Variants in SAMD4A observed in about 807,000 individuals in gnomAD.
SAMD4A encodes protein Smaug homolog 1.
A neutral mutation model predicts 81.3 loss-of-function variants in SAMD4A; 33 were observed. The ratio of observed to expected loss-of-function variants is 0.41; its 90% CI spans 0.31 to 0.54. The LOEUF (loss-of-function observed/expected upper bound fraction) is 0.54, where lower values mean the gene tolerates loss of function less well. Ranked by LOEUF, SAMD4A falls within the 20% of genes least tolerant of loss-of-function variation. SAMD4A has a pLI of 0.37. For missense variants in SAMD4A, 854 were observed against 951.1 expected (o/e 0.90, Z 1.34); for synonymous variants, 389 against 382.1 (o/e 1.02, Z -0.21).
intron 4 of SAMD4A, among the ~76,000 whole-genome samples, chr14:54,746,241 C>A (rs757016301): frequency 6.6e-6 from 1 of 152,170 alleles, no homozygotes; most frequent in East Asian, 1.9e-4. Context: ...CTTTGTTTTT[C>A]CGTTCTCCTT....
Position 54,737,241 on chromosome 14 carries a change from G to C in SAMD4A, c.933G>C (p.Gln311His). Residue 311 changes from glutamine (Q) to histidine (H), a missense_variant, in exon 4 of 13, where the codon CAG (glutamine) becomes CAC (histidine). Transcript: ENST00000554335. ...GTGGGAGTGAACACTTAGAAGATCA[G>C]ACCACTGCTCGTAACACATTCCAAG... ...GSGGSEHLED[Q>H]TTARNTFQEE... 6.2e-7 allele frequency: 1 copy of C among 1,614,126 alleles called. No homozygotes were observed. Among genetic ancestry groups the C allele is most frequent in the South Asian group, 1.1e-5 (1 of 91,054 alleles).
rs1290953992 is a variant in SAMD4A, at chr14:54,735,271, C to T, written c.716-1753C>T. ...TTTCCTCTTGCTAATTCTGGTCCAACCAGGTAGCAATGCATTTTCCAGGGA... is the reference window on the plus strand; with the variant it reads ...TTTCCTCTTGCTAATTCTGGTCCAATCAGGTAGCAATGCATTTTCCAGGGA... On this transcript the variant is annotated intron_variant, in intron 3 of 12. Transcript: ENST00000554335. The T allele has an allele frequency of 2.6e-5, 4 of 151,454 alleles. No homozygotes were observed. In the South Asian group the frequency reaches 8.5e-4, roughly 32 times the overall value. 9.4% of individuals were successfully genotyped at this position (151,454 alleles called of 1,614,324 possible).
At chr14:54,684,908 C>A (rs1459616893) in intron 2 of SAMD4A, among the ~76,000 whole-genome samples, 2 of 152,178 alleles carry the variant, frequency 1.3e-5, no homozygotes, top group Non-Finnish European at 2.9e-5. Context: ...GCGCAGTCCA[C>A]CATTCAGTTC....
At chr14:54,682,116 A>G (rs377467170) in intron 2 of SAMD4A, 186 of 943,690 alleles carry the variant, frequency 2.0e-4, no homozygotes, top group East Asian at 4.6e-4. Context: ...TTATCCCACA[A>G]TGTTTGGGGT....
At chr14:54,588,318 T>G (rs1324145744) in intron 2 of SAMD4A, among the ~76,000 whole-genome samples, 1 of 152,146 alleles carries the variant, frequency 6.6e-6, no homozygotes, top group African/African-American at 2.4e-5. Flanking sequence ...ATTTATCTTT[T>G]CAAAGAACCA....
intron 9 of SAMD4A, 117 bp downstream of exon 9, chr14:54,770,339 C>A: frequency 2.8e-6 from 2 of 719,398 alleles, no homozygotes; most frequent in Non-Finnish European, 4.8e-6. Context: ...CGAAGATGCC[C>A]TGTGGCGAGT....
intron 2 of SAMD4A, among the ~76,000 whole-genome samples, chr14:54,671,002 C>T (rs1044871183): frequency 3.9e-5 from 6 of 152,178 alleles, no homozygotes; most frequent in Non-Finnish European, 7.4e-5. Flanking sequence ...AGGCACCCAC[C>T]GAGGATGTGC....
intron 2 of SAMD4A, among the ~76,000 whole-genome samples, chr14:54,613,965 A>G (rs957032629): frequency 5.9e-5 from 9 of 152,342 alleles, no homozygotes; most frequent in Admixed American, 3.3e-4. Flanking sequence ...TTAAGAAACG[A>G]CCAGTTGTCA....
At chr14:54,756,985 G>A (rs1456863482) in intron 6 of SAMD4A, among the ~76,000 whole-genome samples, 3 of 152,202 alleles carry the variant, frequency 2.0e-5, no homozygotes. Context: ...GTGCCTCTTT[G>A]TGTTTATCAT....
intron 2 of SAMD4A, among the ~76,000 whole-genome samples, chr14:54,641,327 T>G (rs983130296): frequency 5.3e-5 from 8 of 152,254 alleles, no homozygotes; most frequent in Admixed American, 6.5e-5. Context: ...TCTGGGTCTA[T>G]AAGCAGGGAC....
chr14:54,763,338 C>T (rs1187413271), intron 7 of SAMD4A, among the ~76,000 whole-genome samples: 1 of 151,836 alleles, frequency 6.6e-6, no homozygotes, highest in African/African-American at 2.4e-5. Context: ...TAGTGAGACC[C>T]TGTCTCTCAA....
At chr14:54,593,685 C>T (rs1039121733) in intron 2 of SAMD4A, among the ~76,000 whole-genome samples, 2 of 152,118 alleles carry the variant, frequency 1.3e-5, no homozygotes, top group African/African-American at 2.4e-5. Context: ...AGTCACTAAG[C>T]TAAAAGTGCA....
chr14:54,653,390 G>A (rs1357822536), intron 2 of SAMD4A, among the ~76,000 whole-genome samples: 1 of 150,558 alleles, frequency 6.6e-6, no homozygotes, highest in Non-Finnish European at 1.5e-5. Context: ...AGGGTGGAGT[G>A]CAGTGGCGTG....
chr14:54,778,155 T>G (rs1158118201), intron 11 of SAMD4A, among the ~76,000 whole-genome samples: 1 of 152,190 alleles, frequency 6.6e-6, no homozygotes, highest in Admixed American at 6.5e-5. Context: ...TCTCAAGGCC[T>G]TCTTGATTTT....
chr14:54,637,209 A>G (rs2035053593), intron 2 of SAMD4A, among the ~76,000 whole-genome samples: 1 of 151,948 alleles, frequency 6.6e-6, no homozygotes. Context: ...TACTAAAAAT[A>G]CAAAAGTTAG....
chr14:54,660,596 C>T (rs2035619610), intron 2 of SAMD4A, among the ~76,000 whole-genome samples: 1 of 152,096 alleles, frequency 6.6e-6, no homozygotes, highest in South Asian at 2.1e-4. Context: ...AGAATCCAGT[C>T]ATCACAACTC....
At chr14:54,732,273 A>G (rs995627940) in intron 3 of SAMD4A, among the ~76,000 whole-genome samples, 14 of 152,216 alleles carry the variant, frequency 9.2e-5, no homozygotes, top group African/African-American at 3.1e-4. Flanking sequence ...AATTTACATT[A>G]TATTAATTTG....
Position 54,792,704 on chromosome 14 carries a change from G to T in SAMD4A, c.*3760G>T, listed in dbSNP as rs1227080454. On this transcript the variant is annotated 3_prime_UTR_variant, in exon 13 of 13. Coordinates refer to ENST00000554335, the MANE Select transcript of SAMD4A (RefSeq NM_015589.6). ...ATGGAGCTGTGATAACACTAATGTT[G>T]ATTTTTTTTTTTTTTACAAGTCATC... 1 of 144,154 alleles carries T rather than the reference G, an allele frequency of 6.9e-6. No homozygotes were observed. Among genetic ancestry groups the T allele is most frequent in the African/African-American group, 2.9e-5 (1 of 34,886 alleles). The allele number at this position is 144,154 out of a possible 1,614,324, so 8.9% of individuals were successfully genotyped here. A position where few individuals can be genotyped will look rare whatever the true frequency, so the allele number is the denominator to read the frequency against.
rs9323271 is a variant in SAMD4A at position 54,774,927 on chromosome 14, C to G, written c.1716-7C>G. 41,165 of 1,613,890 alleles carry G rather than the reference C, an allele frequency of 0.026. 6,516 individuals carry two copies. In the African/African-American group the frequency reaches 0.41, roughly 16 times the overall value. On this transcript the variant is annotated splice_polypyrimidine_tract_variant and splice_region_variant and intron_variant, in intron 9 of 12. Coordinates refer to ENST00000554335, the MANE Select transcript of SAMD4A (RefSeq NM_015589.6). ...ATATTCTCTTCCTTCTCTCTTGGCT[C>G]TCACAGTCGAGGCTTTGGGCAATCC...
Sources: gnomAD v4.1 joint callset for allele counts (sites outside exome capture counted in the v4.1 genomes callset) on GRCh38, gnomAD v4.1.1 for gene constraint, MANE v1.5 for transcripts, NCBI Gene and HGNC (gene_info 2026-07-23, HGNC 2026-07-21) for gene names.